COL21A1: variants seen among roughly 807,000 people sequenced by gnomAD.
COL21A1 encodes collagen type XXI alpha 1 chain.
Under a neutral mutation model 137.9 loss-of-function variants are expected in COL21A1, and 149 were observed. The ratio of observed to expected loss-of-function variants is 1.08; its 90% CI spans 0.95 to 1.24. The LOEUF (loss-of-function observed/expected upper bound fraction) is 1.24. COL21A1 is among the 50% of genes most tolerant of loss of function. COL21A1 has a pLI of 0.00. For synonymous variants in COL21A1, 456 were observed against 391.5 expected, an observed-to-expected ratio of 1.16 and a Z score of -1.95; for missense variants, 1,167 against 1,158.4, an observed-to-expected ratio of 1.01 and a Z score of -0.11.
chr6:56,175,046 C>A (rs1364937228), intron 3 of COL21A1, among the ~76,000 whole-genome samples: 1 of 151,980 alleles, frequency 6.6e-6, no homozygotes, highest in Non-Finnish European at 1.5e-5. Flanking sequence ...GAAAAGATAA[C>A]ATGATCATCT....
intron 1 of COL21A1, among the ~76,000 whole-genome samples, chr6:56,203,030 G>T (rs1779514261): frequency 6.6e-6 from 1 of 151,960 alleles, no homozygotes; most frequent in Non-Finnish European, 1.5e-5. Flanking sequence ...ACATTAATTA[G>T]CCTAATTTCT....
intron 1 of COL21A1, among the ~76,000 whole-genome samples, chr6:56,359,054 TAGTA>T (rs71549707): frequency 0.21 from 31,618 of 152,058 alleles, 3,828 homozygotes; most frequent in Middle Eastern, 0.33. Context: ...TCATAGAATT[TAGTA>T]AGTATTTAAA....
intron 1 of COL21A1, among the ~76,000 whole-genome samples, chr6:56,355,304 G>T (rs562254566): frequency 6.6e-6 from 1 of 152,272 alleles, no homozygotes; most frequent in East Asian, 1.9e-4. Flanking sequence ...AGTGGACAGA[G>T]AAGTTCATTA....
At chr6:56,091,280 G>A (rs1768791359) in intron 17 of COL21A1, among the ~76,000 whole-genome samples, 1 of 152,132 alleles carries the variant, frequency 6.6e-6, no homozygotes, top group African/African-American at 2.4e-5. Flanking sequence ...ACTTGGACTG[G>A]CTCAGCAGTA....
chr6:56,166,901 C>T lies in COL21A1; in HGVS notation c.1278+5G>A. On this transcript the variant is annotated splice_donor_5th_base_variant and intron_variant, in intron 7 of 29. Transcript: ENST00000244728. ...TCTGGGAAAAAAACAATCCCTCCTA[C>T]TTACAAATCCAGGAATCTCACATGC... 1 of 1,610,126 alleles carries T rather than the reference C, an allele frequency of 6.2e-7. No homozygotes were observed. Among genetic ancestry groups the T allele is most frequent in the Non-Finnish European group, 8.5e-7 (1 of 1,177,714 alleles).
Position 56,313,916 on chromosome 6 carries a change from G to A in COL21A1, c.-39+80055C>T, listed in dbSNP as rs554056599. On this transcript the variant is annotated intron_variant, in intron 1 of 28. Coordinates refer to the COL21A1 transcript ENST00000370819. ...ACTCCTGTAGTTCCTCTTCACTTGC[G>A]TCTGCTCCATTCAGTCTGTTTTCTG... Among the ~76,000 whole-genome samples, 12 of 152,228 alleles carry A rather than the reference G, an allele frequency of 7.9e-5. No individual in the cohort carries two copies. The South Asian group carries it at 1.7e-3, about 21-fold the overall frequency.
At chr6:56,128,657 T>C (rs1773245722) in intron 12 of COL21A1, among the ~76,000 whole-genome samples, 2 of 152,038 alleles carry the variant, frequency 1.3e-5, no homozygotes, top group Non-Finnish European at 2.9e-5. Flanking sequence ...ATTGTTTTTG[T>C]TCTGTTTTGT....
chr6:56,306,539 T>C (rs535989806), intron 1 of COL21A1, among the ~76,000 whole-genome samples: 7 of 152,366 alleles, frequency 4.6e-5, no homozygotes, highest in East Asian at 1.9e-4. Flanking sequence ...CTGAGACTTG[T>C]GCATTCATCG....
intron 10 of COL21A1, among the ~76,000 whole-genome samples, chr6:56,148,908 T>C (rs914047576): frequency 1.3e-5 from 2 of 152,226 alleles, no homozygotes; most frequent in African/African-American, 4.8e-5. Context: ...GAATTCCAGT[T>C]CCTTCGTGTG....
chr6:56,259,403 C>T (rs1763193602), intron 1 of COL21A1, among the ~76,000 whole-genome samples: 1 of 152,246 alleles, frequency 6.6e-6, no homozygotes, highest in Admixed American at 6.5e-5. Context: ...AGTACATTCC[C>T]ATCATTGCTG....
chr6:56,097,917 A>AAATGTATAAATATATG (rs1562188574), intron 17 of COL21A1, among the ~76,000 whole-genome samples: 1 of 26,562 alleles, frequency 3.8e-5, no homozygotes, highest in East Asian at 2.6e-3. Flanking sequence ...ATAAATATAT[A>AAATGTATAAATATATG]TAAATATATA....
At chr6:56,089,029 G>T (rs1456729040) in intron 17 of COL21A1, among the ~76,000 whole-genome samples, 3 of 152,058 alleles carry the variant, frequency 2.0e-5, no homozygotes, top group Non-Finnish European at 2.9e-5. Flanking sequence ...TGGTCAAGTG[G>T]TCCGCCCCCC....
chr6:56,258,913 G>A (rs1295771159), intron 1 of COL21A1, among the ~76,000 whole-genome samples: 3 of 152,138 alleles, frequency 2.0e-5, no homozygotes, highest in Admixed American at 1.3e-4. Flanking sequence ...AATATTTTGA[G>A]AGCTGCTGCA....
At chr6:56,151,995 G>A (rs1322426264) in intron 10 of COL21A1, among the ~76,000 whole-genome samples, 1 of 152,224 alleles carries the variant, frequency 6.6e-6, no homozygotes, top group East Asian at 1.9e-4. Context: ...GGGAAGACAG[G>A]ATTTGGGCTG....
intron 1 of COL21A1, among the ~76,000 whole-genome samples, chr6:56,315,483 G>T (rs55656502): frequency 0.029 from 4,426 of 152,198 alleles, 222 homozygotes; most frequent in African/African-American, 0.1. Flanking sequence ...AAAGAGTGAT[G>T]ATCTCTTATT....
intron 23 of COL21A1, among the ~76,000 whole-genome samples, chr6:56,066,795 A>G (rs903126563): frequency 2.0e-5 from 3 of 151,618 alleles, no homozygotes; most frequent in Non-Finnish European, 4.4e-5. Flanking sequence ...CCAAAACTAA[A>G]TATCTTTCTA....
intron 1 of COL21A1, among the ~76,000 whole-genome samples, chr6:56,272,253 T>C (rs1763546203): frequency 6.6e-6 from 1 of 152,236 alleles, no homozygotes. Context: ...CAGCATTCCC[T>C]GGATGTGAGA....
chr6:56,218,310 G>A (rs9370493), intron 1 of COL21A1, among the ~76,000 whole-genome samples: 115,798 of 151,112 alleles, frequency 0.77, 45,183 homozygotes, highest in African/African-American at 0.91. Context: ...AAAAAAAAGA[G>A]TAAGAAAAAC....
At chr6:56,101,427 G>A in intron 17 of COL21A1, 45 bp downstream of exon 17, 3 of 1,417,384 alleles carry the variant, frequency 2.1e-6, no homozygotes, top group East Asian at 2.4e-5. Flanking sequence ...TTTCGTAACA[G>A]GAAAAGAACT....
Sources: allele counts gnomAD v4.1 joint callset (sites outside exome capture counted in the v4.1 genomes callset), GRCh38; gene constraint gnomAD v4.1.1; transcripts MANE v1.5; gene names NCBI Gene and HGNC (gene_info 2026-07-23, HGNC 2026-07-21).